Variants in GSKIP observed in about 807,000 individuals in gnomAD.
The protein encoded by GSKIP is GSK3B-interacting protein.
A neutral mutation model predicts 11.9 loss-of-function variants in GSKIP; 5 were observed. That is an observed-to-expected ratio of 0.42 (90% CI 0.22 to 0.89). The LOEUF (loss-of-function observed/expected upper bound fraction) is 0.89, where lower values mean the gene tolerates loss of function less well. Among genes scored for constraint, GSKIP ranks in the 40% least tolerant of loss-of-function variants. The pLI is 0.29. For missense variants in GSKIP, 150 were observed against 166.6 expected (o/e 0.90, Z 0.55); for synonymous variants, 70 against 62.9 (o/e 1.11, Z -0.54).
intron 2 of GSKIP, among the ~76,000 whole-genome samples, chr14:96,380,610 A>C (rs1015251304): frequency 6.6e-6 from 1 of 152,240 alleles, no homozygotes; most frequent in Non-Finnish European, 1.5e-5. Flanking sequence ...TGAATATTAC[A>C]CAAATAGGGC....
At chr14:96,371,867 C>T (rs574307292) in intron 1 of GSKIP, among the ~76,000 whole-genome samples, 10 of 152,304 alleles carry the variant, frequency 6.6e-5, no homozygotes, top group African/African-American at 2.2e-4. Flanking sequence ...CAGCTCCTGC[C>T]TCTGCTTGTT....
rs1357236993 is a variant in GSKIP at position 96,365,684 on chromosome 14, ATCAG to A, written c.-103+2121_-103+2124del. ...TGTCTTTACCAAAAATATATAAAAA[ATCAG>A]TCAGGTGTGATGGCGTGCACCTGTA... On this transcript the variant is annotated intron_variant, in intron 1 of 3. Transcript: ENST00000555181. Among the ~76,000 whole-genome samples, 6 of 151,932 alleles carry A rather than the reference ATCAG, an allele frequency of 3.9e-5. No homozygotes were observed. In the East Asian group the frequency reaches 1.2e-3, roughly 29 times the overall value.
At chr14:96,375,940 A>G (rs1889190503) in intron 1 of GSKIP, among the ~76,000 whole-genome samples, 2 of 152,232 alleles carry the variant, frequency 1.3e-5, no homozygotes, top group Non-Finnish European at 2.9e-5. Context: ...CCATTAAACT[A>G]TTAATCCATA....
At chr14:96,384,558 C>T (rs144885086) in intron 3 of GSKIP, 1 of 151,334 alleles carries the variant, frequency 6.6e-6, no homozygotes, top group East Asian at 1.9e-4. Flanking sequence ...CATGATATAC[C>T]TTATAATCTT....
At chr14:96,380,186 T>G (rs1321763412) in intron 2 of GSKIP, 1 of 152,224 alleles carries the variant, frequency 6.6e-6, no homozygotes, top group East Asian at 1.9e-4. Flanking sequence ...TTCTGTTGTT[T>G]GTAGCGAGTG....
intron 1 of GSKIP, among the ~76,000 whole-genome samples, chr14:96,372,810 C>T (rs1426467147): frequency 4.6e-5 from 7 of 152,130 alleles, no homozygotes; most frequent in Non-Finnish European, 1.0e-4. Flanking sequence ...GGACAGAGTA[C>T]TAGAAAGTAA....
At position 96,375,460 on chromosome 14, in the gene GSKIP, G is replaced by A. The variant is rs112329596; in HGVS notation, c.-102-4228G>A. ...TCTTTTTTTTTTTTTTTGAGACAGC[G>A]TCTCACTCTGTTGCCCCGGCTAGAG... On this transcript the variant is annotated intron_variant, in intron 1 of 3. Coordinates refer to ENST00000555181, the MANE Select transcript of GSKIP (RefSeq NM_016472.5). Among the ~76,000 whole-genome samples the A allele has an allele frequency of 2.4e-3, 352 of 145,054 alleles. 1 individual carries two copies. The highest frequency in any genetic ancestry group is 8.0e-3 in the African/African-American group (311 of 38,980).
chr14:96,366,518 A>C (rs543982668), intron 1 of GSKIP, among the ~76,000 whole-genome samples: 1 of 152,326 alleles, frequency 6.6e-6, no homozygotes, highest in African/African-American at 2.4e-5. Flanking sequence ...ATCTCAAATC[A>C]CAGTGCCATT....
intron 1 of GSKIP, chr14:96,365,170 T>C (rs891928342): frequency 6.6e-6 from 1 of 151,994 alleles, no homozygotes; most frequent in Non-Finnish European, 1.5e-5. Flanking sequence ...GTGAATAATA[T>C]GCTTTGTGGT....
At chr14:96,381,141 C>CT (rs1449732776) in intron 2 of GSKIP, among the ~76,000 whole-genome samples, 1 of 152,204 alleles carries the variant, frequency 6.6e-6, no homozygotes, top group East Asian at 1.9e-4. Flanking sequence ...TTCCAAAGCA[C>CT]TTTCACATTA....
At chr14:96,378,147 G>A (rs1324294627) in intron 1 of GSKIP, among the ~76,000 whole-genome samples, 2 of 152,082 alleles carry the variant, frequency 1.3e-5, no homozygotes, top group Non-Finnish European at 2.9e-5. Context: ...CTGGATCCCA[G>A]GAGTTCAAGA....
At chr14:96,376,686 G>A (rs1446265148) in intron 1 of GSKIP, among the ~76,000 whole-genome samples, 2 of 152,132 alleles carry the variant, frequency 1.3e-5, no homozygotes, top group Admixed American at 6.5e-5. Context: ...CATTTGGGGA[G>A]AATAATTATG....
rs574802188 is a variant in GSKIP, at chr14:96,369,251, T to C, written c.-103+5683T>C. ...CGTGGCTGCTTTTAACAGCTTACAA[T>C]TAAATATGGGAGGAAAGGAATGACC... On this transcript the variant is annotated intron_variant, in intron 1 of 3. Coordinates refer to ENST00000555181, the MANE Select transcript of GSKIP (RefSeq NM_016472.5). Among the ~76,000 whole-genome samples, 93 of 152,104 alleles carry C rather than the reference T, an allele frequency of 6.1e-4. 1 individual carries two copies. The highest frequency in any genetic ancestry group is 2.1e-3 in the African/African-American group (88 of 41,468).
chr14:96,377,978 G>A (rs1463336968), intron 1 of GSKIP, among the ~76,000 whole-genome samples: 4 of 152,168 alleles, frequency 2.6e-5, no homozygotes, highest in Non-Finnish European at 5.9e-5. Flanking sequence ...AAGGCAATGG[G>A]CTTGGCAAGT....
At chr14:96,366,772 G>A (rs1416283817) in intron 1 of GSKIP, among the ~76,000 whole-genome samples, 3 of 152,130 alleles carry the variant, frequency 2.0e-5, no homozygotes, top group South Asian at 4.1e-4. Context: ...TTACCCAACC[G>A]AATATTGTCA....
At chr14:96,380,914 G>T (rs189813182) in intron 2 of GSKIP, among the ~76,000 whole-genome samples, 2 of 152,194 alleles carry the variant, frequency 1.3e-5, no homozygotes, top group African/African-American at 2.4e-5. Flanking sequence ...TCTAACTCCA[G>T]TGTGGTGAGG....
intron 1 of GSKIP, among the ~76,000 whole-genome samples, chr14:96,373,147 A>G (rs1281793548): frequency 6.7e-6 from 1 of 149,194 alleles, no homozygotes; most frequent in African/African-American, 2.5e-5. Flanking sequence ...GGAGAATGGC[A>G]TGAACCCAGA....
intron 3 of GSKIP, among the ~76,000 whole-genome samples, chr14:96,384,473 G>A (rs1889434438): frequency 6.6e-6 from 1 of 151,782 alleles, no homozygotes; most frequent in South Asian, 2.1e-4. Context: ...TAAAAATTTA[G>A]GATTTATATA....
chr14:96,385,708 G>T lies in GSKIP; in HGVS notation c.*24G>T. ...GACTACACTTTTTCCTTTCAGAGGG[G>T]CTGGTGCTGGTACAGAATGTTGATA... On this transcript the variant is annotated 3_prime_UTR_variant, in exon 4 of 4. Coordinates refer to ENST00000555181, the MANE Select transcript of GSKIP (RefSeq NM_016472.5). 1 of 1,583,984 alleles carries T rather than the reference G, an allele frequency of 6.3e-7. No homozygotes were observed. The highest frequency in any genetic ancestry group is 8.6e-7 in the Non-Finnish European group (1 of 1,161,836).
Sources: allele counts gnomAD v4.1 joint callset (sites outside exome capture counted in the v4.1 genomes callset), GRCh38; gene constraint gnomAD v4.1.1; transcripts MANE v1.5; gene names NCBI Gene and HGNC (gene_info 2026-07-23, HGNC 2026-07-21).